The following PPME1 variants were observed in gnomAD, a reference collection of about 807,000 sequenced individuals.
The protein encoded by PPME1 is protein phosphatase methylesterase 1, also known as testicular secretory protein Li 39.
A neutral mutation model predicts 56.9 loss-of-function variants in PPME1; 17 were observed. The observed-to-expected ratio is 0.30, with a 90% CI of 0.20 to 0.45. The LOEUF (loss-of-function observed/expected upper bound fraction) is 0.45. Among genes scored for constraint, PPME1 ranks in the 20% least tolerant of loss-of-function variants. The pLI, the probability that PPME1 is intolerant of heterozygous loss-of-function variation, is 1.00. For missense variants in PPME1, 357 were observed against 483.2 expected, an observed-to-expected ratio of 0.74 and a Z score of 2.45; for synonymous variants, 122 against 156.2, an observed-to-expected ratio of 0.78 and a Z score of 1.63.
chr11:74,217,947 G>A (rs1858699115), intron 3 of PPME1, among the ~76,000 whole-genome samples: 2 of 152,040 alleles, frequency 1.3e-5, no homozygotes, highest in African/African-American at 4.8e-5. Flanking sequence ...AATCAGACAA[G>A]AGAAAGAAAG....
chr11:74,215,201 TGTA>T (rs1174006152), intron 3 of PPME1, among the ~76,000 whole-genome samples: 2 of 151,864 alleles, frequency 1.3e-5, no homozygotes, highest in African/African-American at 2.4e-5. Flanking sequence ...ATTGACTAAG[TGTA>T]GTGGTGTGTG....
intron 3 of PPME1, among the ~76,000 whole-genome samples, chr11:74,221,948 T>C (rs1009872341): frequency 6.6e-6 from 1 of 152,182 alleles, no homozygotes; most frequent in Non-Finnish European, 1.5e-5. Flanking sequence ...ACCGTCCTTA[T>C]CTAAGGGATT....
At chr11:74,253,458 A>T in intron 13 of PPME1, 34 bp from the exon 14 acceptor site, 1 of 1,591,824 alleles carries the variant, frequency 6.3e-7, no homozygotes, top group Non-Finnish European at 8.6e-7. Context: ...TGATAGTTAC[A>T]TTTGTTTTTC....
intron 1 of PPME1, among the ~76,000 whole-genome samples, chr11:74,173,115 A>T (rs1290672048): frequency 6.6e-6 from 1 of 152,218 alleles, no homozygotes; most frequent in Non-Finnish European, 1.5e-5. Context: ...CAATAGAGGT[A>T]GAAGGCTACA....
At chr11:74,215,096 C>T (rs745874891) in intron 3 of PPME1, among the ~76,000 whole-genome samples, 17 of 152,080 alleles carry the variant, frequency 1.1e-4, no homozygotes, top group Non-Finnish European at 1.8e-4. Flanking sequence ...CCTGTAATCC[C>T]GCACTTTGGG....
chr11:74,202,984 A>G (rs1040478947), intron 1 of PPME1, among the ~76,000 whole-genome samples: 8 of 152,088 alleles, frequency 5.3e-5, no homozygotes, highest in Non-Finnish European at 8.8e-5. Flanking sequence ...GGAATTATAT[A>G]TTCATATATA....
chr11:74,225,321 CTTTATCA>C, intron 5 of PPME1, 65 bp downstream of exon 5: 1 of 1,153,398 alleles, frequency 8.7e-7, no homozygotes, highest in Non-Finnish European at 1.2e-6. Flanking sequence ...AGTACTATAA[CTTTATCA>C]CTTTCCTGAT....
intron 7 of PPME1, chr11:74,235,658 GCA>G: frequency 2.1e-6 from 1 of 481,064 alleles, no homozygotes; most frequent in East Asian, 4.1e-5. Context: ...TACAGGCCTG[GCA>G]CCTAGTATCC....
At chr11:74,253,429 A>C in intron 13 of PPME1, 63 bp from the exon 14 acceptor site, 1 of 1,526,404 alleles carries the variant, frequency 6.6e-7, no homozygotes, top group South Asian at 1.1e-5. Flanking sequence ...GAGGATACAG[A>C]TAAGCAAGGG....
At chr11:74,199,598 C>T (rs1858093421) in intron 1 of PPME1, among the ~76,000 whole-genome samples, 1 of 152,120 alleles carries the variant, frequency 6.6e-6, no homozygotes, top group African/African-American at 2.4e-5. Flanking sequence ...TCTCAGTCTC[C>T]CAAGTAGCTG....
intron 1 of PPME1, among the ~76,000 whole-genome samples, chr11:74,193,078 G>T (rs977926730): frequency 5.3e-5 from 8 of 152,166 alleles, no homozygotes; most frequent in Non-Finnish European, 1.0e-4. Flanking sequence ...AACTGGTAGA[G>T]GTGTTCTGTG....
At chr11:74,195,459 G>A (rs1164276199) in intron 1 of PPME1, among the ~76,000 whole-genome samples, 1 of 152,068 alleles carries the variant, frequency 6.6e-6, no homozygotes, top group Non-Finnish European at 1.5e-5. Flanking sequence ...TATTTTCACT[G>A]CTATGCTATA....
intron 7 of PPME1, 174 bp from the exon 8 acceptor site, chr11:74,235,727 T>C: frequency 1.9e-6 from 2 of 1,029,836 alleles, no homozygotes; most frequent in South Asian, 1.8e-5. Flanking sequence ...TAATTTTTAC[T>C]TATAAAACCA....
intron 3 of PPME1, among the ~76,000 whole-genome samples, chr11:74,208,516 A>C (rs886192551): frequency 1.3e-5 from 2 of 152,176 alleles, no homozygotes; most frequent in African/African-American, 4.8e-5. Flanking sequence ...GTATACAAAA[A>C]ATACAGCAAA....
At chr11:74,186,641 G>T (rs573495567) in intron 1 of PPME1, among the ~76,000 whole-genome samples, 1 of 152,032 alleles carries the variant, frequency 6.6e-6, no homozygotes, top group East Asian at 1.9e-4. Context: ...ATAGTAATTT[G>T]GAAAAAGGAA....
At chr11:74,191,155 G>A (rs1028351069) in intron 1 of PPME1, among the ~76,000 whole-genome samples, 1 of 152,166 alleles carries the variant, frequency 6.6e-6, no homozygotes, top group Admixed American at 6.5e-5. Context: ...GGACAACATA[G>A]TGAGACTTCG....
Position 74,253,486 on chromosome 11 carries a change from C to T in PPME1, c.1143-6C>T. On this transcript the variant is annotated splice_region_variant and splice_polypyrimidine_tract_variant and intron_variant, in intron 13 of 13. Transcript: ENST00000328257. ...TGTTTTTCCTTCTCTTTCTGTTCTT[C>T]CACAGTGTGTTTCCTGGCTGTTAGT... 1.2e-6 allele frequency: 2 copies of T among 1,606,756 alleles called. No individual in the cohort carries two copies. Among genetic ancestry groups the T allele is most frequent in the Non-Finnish European group, 1.7e-6 (2 of 1,173,344 alleles).
rs183219932 is a variant in PPME1 at position 74,194,460 on chromosome 11, C to T, written c.102-9268C>T. Reference sequence around the variant, plus strand: ...AGTGCCTCTCTGGATTCCCACCTTACTTAACTTTTGACCTGGGTCTTCCCT... The same window carrying T: ...AGTGCCTCTCTGGATTCCCACCTTATTTAACTTTTGACCTGGGTCTTCCCT... On this transcript the variant is annotated intron_variant, in intron 1 of 13. Transcript: ENST00000328257. Among the ~76,000 whole-genome samples, 165 of 152,226 alleles carry T rather than the reference C, an allele frequency of 1.1e-3. 1 individual carries two copies. The highest frequency in any genetic ancestry group is 3.7e-3 in the African/African-American group (155 of 41,560).
intron 11 of PPME1, chr11:74,247,899 AG>A (rs1859548659): frequency 6.6e-6 from 1 of 152,638 alleles, no homozygotes. Context: ...GGTAAAAGTA[AG>A]GTCTCTGAAG....
Sources: allele counts gnomAD v4.1 joint callset (sites outside exome capture counted in the v4.1 genomes callset), GRCh38; gene constraint gnomAD v4.1.1; transcripts MANE v1.5; gene names NCBI Gene and HGNC (gene_info 2026-07-23, HGNC 2026-07-21).